Variants in KIF13A observed in about 807,000 individuals in gnomAD.
KIF13A encodes the protein kinesin family member 13A.
In KIF13A, 79 loss-of-function variants were observed where a neutral mutation model predicts 212.2. The observed-to-expected ratio is 0.37, with a 90% CI of 0.31 to 0.45. The LOEUF (loss-of-function observed/expected upper bound fraction) is 0.45. Ranked by LOEUF, KIF13A falls within the 20% of genes least tolerant of loss-of-function variation. The probability of loss-of-function intolerance (pLI) is 1.00; values close to 1 mark genes in which losing one functional copy is unlikely to be tolerated. For missense variants in KIF13A, 1,901 were observed against 2,209.0 expected (o/e 0.86, Z 2.79); for synonymous variants, 789 against 808.6 (o/e 0.98, Z 0.41).
chr6:17,886,867 T>C lies in KIF13A; in HGVS notation c.159+11301A>G, dbSNP rs1771587110. On this transcript the variant is annotated intron_variant, in intron 3 of 38. Coordinates refer to ENST00000259711, the MANE Select transcript of KIF13A (RefSeq NM_022113.6). The surrounding 1 kb of genome is among the most constrained non-coding windows in gnomAD (Gnocchi z 5.6). ...CACCACCCTATGTTTCTGAGGATTG[T>C]TTTGTTGTCGTTGTTAAAAAGAGGA... 6.6e-6 allele frequency among the ~76,000 whole-genome samples: 1 copy of C among 151,970 alleles called. No homozygotes were observed. The highest frequency in any genetic ancestry group is 2.1e-4 in the South Asian group (1 of 4,820).
intron 2 of KIF13A, among the ~76,000 whole-genome samples, chr6:17,935,552 G>A (rs1344044609): frequency 6.6e-6 from 1 of 152,166 alleles, no homozygotes; most frequent in Admixed American, 6.5e-5. Flanking sequence ...TGTAGCCAGT[G>A]TTGAAAACCA....
At chr6:17,948,827 A>G (rs1187050066) in intron 2 of KIF13A, among the ~76,000 whole-genome samples, 1 of 151,826 alleles carries the variant, frequency 6.6e-6, no homozygotes, top group Non-Finnish European at 1.5e-5. Context: ...CGGCCCCTCA[A>G]AGTGCTAAGA....
At chr6:17,981,528 A>G (rs1190328502) in intron 2 of KIF13A, among the ~76,000 whole-genome samples, 1 of 149,444 alleles carries the variant, frequency 6.7e-6, no homozygotes, top group Non-Finnish European at 1.5e-5. Context: ...GGGTTCAAGC[A>G]TTCCCCTGCC....
intron 3 of KIF13A, among the ~76,000 whole-genome samples, chr6:17,894,918 C>G (rs1265808855): frequency 6.6e-6 from 1 of 152,098 alleles, no homozygotes; most frequent in Non-Finnish European, 1.5e-5. Context: ...GAGACCTTTC[C>G]TGCATTAACA....
chr6:17,830,886 G>C (rs556977506), intron 13 of KIF13A, among the ~76,000 whole-genome samples: 1 of 152,034 alleles, frequency 6.6e-6, no homozygotes, highest in East Asian at 1.9e-4. Flanking sequence ...CTGAAGCCTG[G>C]ACTCACAGGA....
intron 6 of KIF13A, among the ~76,000 whole-genome samples, chr6:17,852,729 A>T (rs1048103702): frequency 2.6e-5 from 4 of 152,192 alleles, no homozygotes; most frequent in Admixed American, 6.6e-5. Context: ...AAAATTTTTG[A>T]ATTACTAGTA....
chr6:17,909,911 G>GA (rs1156589860), intron 2 of KIF13A, among the ~76,000 whole-genome samples: 2 of 151,856 alleles, frequency 1.3e-5, no homozygotes. Context: ...AGAGAGTGGG[G>GA]AAAAAAAACT....
rs562732437 is a variant in KIF13A at position 17,818,667 on chromosome 6, A to G, written c.1787-1434T>C. On this transcript the variant is annotated intron_variant, in intron 16 of 38. Coordinates refer to ENST00000259711, the MANE Select transcript of KIF13A (RefSeq NM_022113.6). Reference sequence around the variant, plus strand: ...TCATGAAAGCTTTGCAACAAGCCTAAGTGTGGATATCATCCCGATTTTAAA... The same window carrying G: ...TCATGAAAGCTTTGCAACAAGCCTAGGTGTGGATATCATCCCGATTTTAAA... Among the ~76,000 whole-genome samples, 10 of 152,318 alleles carry G rather than the reference A, an allele frequency of 6.6e-5. No individual in the cohort carries two copies. In the South Asian group the frequency reaches 1.9e-3, roughly 28 times the overall value.
At chr6:17,852,679 A>C (rs904891072) in intron 6 of KIF13A, among the ~76,000 whole-genome samples, 1 of 152,152 alleles carries the variant, frequency 6.6e-6, no homozygotes, top group Non-Finnish European at 1.5e-5. Flanking sequence ...CAGCCTCCCA[A>C]AATGCTGGGA....
intron 2 of KIF13A, among the ~76,000 whole-genome samples, chr6:17,974,921 T>C (rs528365953): frequency 2.6e-5 from 4 of 152,330 alleles, no homozygotes; most frequent in African/African-American, 4.8e-5. Flanking sequence ...GGCTACCACA[T>C]TGGACAGTGA....
intron 20 of KIF13A, among the ~76,000 whole-genome samples, chr6:17,802,456 A>T (rs968689290): frequency 2.6e-5 from 4 of 151,100 alleles, no homozygotes; most frequent in African/African-American, 9.7e-5. Flanking sequence ...CACGCCGGCT[A>T]ATTTTGTATT....
At position 17,961,703 on chromosome 6, in the gene KIF13A, A is replaced by G. The variant is rs1225582346; in HGVS notation, c.146+25351T>C. Among the ~76,000 whole-genome samples, 1 of 152,204 alleles carries G rather than the reference A, an allele frequency of 6.6e-6. No homozygotes were observed. Among genetic ancestry groups the G allele is most frequent in the Non-Finnish European group, 1.5e-5 (1 of 68,034 alleles). On this transcript the variant is annotated intron_variant, in intron 2 of 38. Coordinates refer to ENST00000259711, the MANE Select transcript of KIF13A (RefSeq NM_022113.6). The surrounding 1 kb of genome is among the most constrained non-coding windows in gnomAD (Gnocchi z 4.1). The stretch of plus-strand genomic sequence containing the variant: ...TTCTTCTTATATACAATTGTATAAC[A>G]GTTATTTTCCTGTTTGCATGGGCTT...
Position 17,849,379 on chromosome 6 carries a change from G to A in KIF13A, c.828C>T (p.Asn276=). The change falls in exon 9 of 39, where the codon AAC becomes AAT. Residue 276 remains asparagine (N), a splice_region_variant and synonymous_variant. Coordinates refer to ENST00000259711, the MANE Select transcript of KIF13A (RefSeq NM_022113.6). The surrounding 1 kb of genome is among the most constrained non-coding windows in gnomAD (Gnocchi z 5.7). ...GERLKEGSNI[N]KSLTTLGLVI... ...TGTTCTGGGACCAGCCACCTTACTTGTTAATGTTGCTGCCTTCTTTCAGTC... is the reference window on the plus strand; with the variant it reads ...TGTTCTGGGACCAGCCACCTTACTTATTAATGTTGCTGCCTTCTTTCAGTC... 6.2e-7 allele frequency: 1 copy of A among 1,608,284 alleles called. No homozygotes were observed. The highest frequency in any genetic ancestry group is 8.5e-7 in the Non-Finnish European group (1 of 1,175,704).
chr6:17,848,404 CT>C (rs1212606503), intron 9 of KIF13A, among the ~76,000 whole-genome samples: 3 of 152,058 alleles, frequency 2.0e-5, no homozygotes, highest in Non-Finnish European at 4.4e-5. Flanking sequence ...GTTATTCCCC[CT>C]GGCCTCCCCT....
chr6:17,785,447 G>T lies in KIF13A; in HGVS notation c.3488+68C>A. The T allele has an allele frequency of 7.0e-7, 1 of 1,429,676 alleles. No homozygotes were observed. Among genetic ancestry groups the T allele is most frequent in the Non-Finnish European group, 9.2e-7 (1 of 1,088,208 alleles). 88.6% of individuals were successfully genotyped at this position (1,429,676 alleles called of 1,614,324 possible). A position where few individuals can be genotyped will look rare whatever the true frequency, so the allele number is the denominator to read the frequency against. On this transcript the variant is annotated intron_variant, in intron 28 of 38. Coordinates refer to ENST00000259711, the MANE Select transcript of KIF13A (RefSeq NM_022113.6). The surrounding 1 kb of genome is among the most constrained non-coding windows in gnomAD (Gnocchi z 5.8). The stretch of plus-strand genomic sequence containing the variant: ...CTGTGACAATCCTGGAAAGTCTCTT[G>T]CATGGCTCTTGCCACAGGCGACCTG...
chr6:17,950,598 T>C (rs554288705), intron 2 of KIF13A: 1 of 985,178 alleles, frequency 1.0e-6, no homozygotes, highest in Non-Finnish European at 1.2e-6. Flanking sequence ...GCATTATTTA[T>C]CCAACAGCTG....
At chr6:17,955,807 A>G (rs181292368) in intron 2 of KIF13A, among the ~76,000 whole-genome samples, 3 of 152,356 alleles carry the variant, frequency 2.0e-5, no homozygotes, top group African/African-American at 7.2e-5. Context: ...GTTTCCATGC[A>G]TTAACCTCTA....
In KIF13A at chr6:17,779,646, T is replaced by C; in HGVS notation, c.3885A>G (p.Lys1295=). 1 of 1,530,042 alleles carries C rather than the reference T, an allele frequency of 6.5e-7. No homozygotes were observed. The highest frequency in any genetic ancestry group is 9.0e-7 in the Non-Finnish European group (1 of 1,109,250). 94.8% of individuals were successfully genotyped at this position (1,530,042 alleles called of 1,614,324 possible). ...TQSLKRRISL[K]NIFYSCGVTY... is the part of the protein sequence containing the mutation. ...TTACACCACAGGAATAAAATATATT[T>C]TTCAGGGATATTCTCCTCTTCAAAC... is the stretch of plus-strand genomic sequence containing the variant. The change falls in exon 32 of 39, where the codon AAA becomes AAG. Residue 1295 remains lysine (K), a synonymous_variant. Coordinates refer to ENST00000259711, the MANE Select transcript of KIF13A (RefSeq NM_022113.6).
chr6:17,980,967 GA>G (rs1426547393), intron 2 of KIF13A, among the ~76,000 whole-genome samples: 1 of 148,402 alleles, frequency 6.7e-6, no homozygotes, highest in African/African-American at 2.5e-5. Flanking sequence ...AATTCCAAAA[GA>G]ATGAATTAAA....
Sources: allele counts gnomAD v4.1 joint callset (sites outside exome capture counted in the v4.1 genomes callset), GRCh38; gene constraint gnomAD v4.1.1; non-coding constraint Gnocchi (gnomAD v3.1); transcripts MANE v1.5; gene names NCBI Gene and HGNC (gene_info 2026-07-23, HGNC 2026-07-21).